DST: variants seen among roughly 807,000 people sequenced by gnomAD.
DST encodes the protein bullous pemphigoid antigen.
In DST, 253 loss-of-function variants were observed where a neutral mutation model predicts 875.2. The observed-to-expected ratio is 0.29, with a 90% CI of 0.26 to 0.32. The LOEUF is 0.32. DST is among the 10% of genes least tolerant of loss of function. The pLI is 1.00. For missense variants in DST, 8,287 were observed against 9,111.6 expected (o/e 0.91, Z 3.68); for synonymous variants, 3,124 against 3,197.1 (o/e 0.98, Z 0.77).
In DST at chr6:56,473,962, T is replaced by C; in HGVS notation, c.21905A>G (p.Asp7302Gly). The change falls in exon 93 of 104, where the codon GAT (aspartate) becomes GGT (glycine). Residue 7302 changes from aspartate to glycine, a missense_variant. Asp to Gly is a moderately conservative substitution (Grantham distance 94). Coordinates refer to ENST00000680361, the MANE Select transcript of DST (RefSeq NM_001374736.1). ...CCTCTTATAGGTCTTCGTTACTTTATCAACATCAGGCTGTTTTCTGGTCAT... is the reference window on the plus strand; with the variant it reads ...CCTCTTATAGGTCTTCGTTACTTTACCAACATCAGGCTGTTTTCTGGTCAT... ...EEMTRKQPDV[D>G]KVTKTYKRRA... The C allele has an allele frequency of 8.2e-6, 13 of 1,583,612 alleles. No homozygotes were observed. Among genetic ancestry groups the C allele is most frequent in the Non-Finnish European group, 1.1e-5 (13 of 1,162,578 alleles).
chr6:56,505,513 T>C (rs2152466397), intron 77 of DST, among the ~76,000 whole-genome samples: 1 of 150,834 alleles, frequency 6.6e-6, no homozygotes, highest in East Asian at 1.9e-4. Flanking sequence ...AGGGAGAATA[T>C]AATAAAGTGT....
intron 5 of DST, among the ~76,000 whole-genome samples, chr6:56,721,563 G>T (rs913850537): frequency 1.3e-5 from 2 of 152,182 alleles, no homozygotes; most frequent in African/African-American, 4.8e-5. Flanking sequence ...GGCTTCAGCC[G>T]GTCCCTCCGT....
intron 5 of DST, among the ~76,000 whole-genome samples, chr6:56,709,593 T>A (rs16888133): frequency 0.23 from 35,256 of 152,136 alleles, 4,675 homozygotes; most frequent in African/African-American, 0.34. Flanking sequence ...TTATTTAAAC[T>A]TATTACTATT....
chr6:56,654,107 C>T (rs1340100467), intron 10 of DST, among the ~76,000 whole-genome samples: 1 of 152,096 alleles, frequency 6.6e-6, no homozygotes, highest in African/African-American at 2.4e-5. Context: ...TGTAACTTGC[C>T]TGTTTTATGG....
At chr6:56,737,740 CACT>C (rs2099530917) in intron 4 of DST, among the ~76,000 whole-genome samples, 1 of 152,206 alleles carries the variant, frequency 6.6e-6, no homozygotes, top group South Asian at 2.1e-4. Context: ...TACTGGACAA[CACT>C]GCTGTACAAC....
intron 4 of DST, among the ~76,000 whole-genome samples, chr6:56,831,916 G>C (rs1406433891): frequency 1.3e-5 from 2 of 152,038 alleles, no homozygotes; most frequent in African/African-American, 4.8e-5. Context: ...GAACAATGCT[G>C]CTTGAATGCT....
At chr6:56,465,260 C>T (rs1474975014) in intron 99 of DST, among the ~76,000 whole-genome samples, 1 of 152,084 alleles carries the variant, frequency 6.6e-6, no homozygotes, top group African/African-American at 2.4e-5. Flanking sequence ...CCTGGGATCC[C>T]ACTTGGTAGC....
intron 4 of DST, among the ~76,000 whole-genome samples, chr6:56,766,988 T>C (rs963810278): frequency 1.3e-5 from 2 of 152,172 alleles, no homozygotes; most frequent in Non-Finnish European, 2.9e-5. Context: ...AATAACACAG[T>C]AAGGAAACCT....
chr6:56,612,744 T>C (rs1055253852), intron 37 of DST, among the ~76,000 whole-genome samples: 1 of 152,234 alleles, frequency 6.6e-6, no homozygotes, highest in Non-Finnish European at 1.5e-5. Flanking sequence ...AGAACGACCA[T>C]CAGCTGTTCT....
Position 56,639,717 on chromosome 6 carries a change from C to A in DST, c.2676G>T (p.Glu892Asp). 1 of 1,613,554 alleles carries A rather than the reference C, an allele frequency of 6.2e-7. No homozygotes were observed. The highest frequency in any genetic ancestry group is 8.5e-7 in the Non-Finnish European group (1 of 1,179,802). The change falls in exon 20 of 104, where the codon GAG (glutamate) becomes GAT (aspartate). Residue 892 changes from glutamate to aspartate, a missense_variant. By Grantham distance (45) the Glu-to-Asp change is conservative. Transcript: ENST00000680361. Reference protein sequence around the residue: ...LTYAEKLHRLESQYAKLLNTS... With the variant: ...LTYAEKLHRLDSQYAKLLNTS... ...TTACCAAGAGTTTTGCATACTGACT[C>A]TCTAATCTGTGCAACTTTTCTGCAT... is the stretch of plus-strand genomic sequence containing the variant.
intron 2 of DST, among the ~76,000 whole-genome samples, chr6:56,934,592 TGAGA>T (rs1294982472): frequency 1.1e-5 from 1 of 95,084 alleles, no homozygotes; most frequent in Non-Finnish European, 2.3e-5. Context: ...ATATATATCG[TGAGA>T]GAGAGAGAAG....
At chr6:56,721,053 C>T (rs1473582009) in intron 5 of DST, among the ~76,000 whole-genome samples, 52 of 147,510 alleles carry the variant, frequency 3.5e-4, no homozygotes, top group African/African-American at 8.3e-4. Context: ...GGGCAGCTGC[C>T]GGGCAGGGGC....
chr6:56,875,996 C>T (rs1779477351), intron 3 of DST, among the ~76,000 whole-genome samples: 1 of 152,082 alleles, frequency 6.6e-6, no homozygotes, highest in Non-Finnish European at 1.5e-5. Flanking sequence ...CTTGCCTTAC[C>T]TTAATCATTC....
intron 4 of DST, among the ~76,000 whole-genome samples, chr6:56,849,398 G>C (rs1763844741): frequency 6.6e-6 from 1 of 152,102 alleles, no homozygotes; most frequent in East Asian, 1.9e-4. Context: ...GCCTCCCAAA[G>C]TGCTGGGATT....
chr6:56,910,369 G>A (rs144102987), intron 2 of DST, among the ~76,000 whole-genome samples: 4 of 152,286 alleles, frequency 2.6e-5, no homozygotes, highest in South Asian at 2.1e-4. Context: ...TGTTGCCCAG[G>A]CTGGTCTCAA....
intron 4 of DST, among the ~76,000 whole-genome samples, chr6:56,824,383 T>C (rs1055510676): frequency 1.8e-4 from 27 of 152,298 alleles, no homozygotes; most frequent in Admixed American, 6.5e-4. Flanking sequence ...CCGCCTGCCT[T>C]GGCCTCCCAA....
intron 2 of DST, among the ~76,000 whole-genome samples, chr6:56,940,877 A>G (rs1816192960): frequency 6.6e-6 from 1 of 152,116 alleles, no homozygotes; most frequent in Admixed American, 6.5e-5. Flanking sequence ...GGCATGAGCC[A>G]CTGCAACCAG....
chr6:56,511,234 G>A lies in DST; in HGVS notation c.18743C>T (p.Ala6248Val), dbSNP rs2096469294. ...SQIKEDVKKR[A>V]VALDEAISQS... is the part of the protein sequence containing the mutation. Reference sequence around the variant, plus strand: ...AGAAATGGCTTCATCCAGTGCCACAGCACGCTTTTTGACATCTTCTTTAAT... The same window carrying A: ...AGAAATGGCTTCATCCAGTGCCACAACACGCTTTTTGACATCTTCTTTAAT... Residue 6248 changes from alanine to valine, a missense_variant, in exon 73 of 104, where the codon GCT (alanine) becomes GTT (valine). Coordinates refer to ENST00000680361, the MANE Select transcript of DST (RefSeq NM_001374736.1). The A allele has an allele frequency of 6.3e-7, 1 of 1,591,562 alleles. No individual in the cohort carries two copies.
chr6:56,836,872 A>G (rs546520171), intron 4 of DST, among the ~76,000 whole-genome samples: 18 of 147,682 alleles, frequency 1.2e-4, no homozygotes, highest in East Asian at 1.9e-4. Context: ...AAGAAAGAAA[A>G]AAAGAAAATA....
Sources: allele counts gnomAD v4.1 joint callset (sites outside exome capture counted in the v4.1 genomes callset), GRCh38; gene constraint gnomAD v4.1.1; transcripts MANE v1.5; gene names NCBI Gene and HGNC (gene_info 2026-07-23, HGNC 2026-07-21).